SORCS1: variants seen among roughly 807,000 people sequenced by gnomAD.
SORCS1 encodes sortilin related VPS10 domain containing receptor 1, also known as VPS10 domain-containing receptor SorCS1.
In SORCS1, 60 loss-of-function variants were observed where a neutral mutation model predicts 146.1. That is an observed-to-expected ratio of 0.41 (90% CI 0.33 to 0.51). The LOEUF is 0.51. SORCS1 is among the 20% of genes least tolerant of loss of function. The pLI is 0.21. For synonymous variants in SORCS1, 637 were observed against 584.0 expected (o/e 1.09, Z -1.31); for missense variants, 1,352 against 1,487.6 (o/e 0.91, Z 1.50).
In SORCS1 at chr10:106,780,977, CT is replaced by C. The variant is rs3045084; in HGVS notation, c.727-4286del. On this transcript the variant is annotated intron_variant, in intron 3 of 25. Coordinates refer to ENST00000263054, the MANE Select transcript of SORCS1 (RefSeq NM_052918.5). Reference sequence around the variant, plus strand: ...ATAGATTTCAAATACGTCACTTCTCCTTTTTTTTTTTTTTGGTATTAGTCCT... The same window carrying C: ...ATAGATTTCAAATACGTCACTTCTCCTTTTTTTTTTTTTGGTATTAGTCCT... Among the ~76,000 whole-genome samples the C allele has an allele frequency of 4.7e-3, 688 of 145,960 alleles. 9 individuals carry two copies. In the East Asian group the frequency reaches 0.064, roughly 14 times the overall value.
At chr10:107,118,527 C>T (rs1212581378) in intron 1 of SORCS1, among the ~76,000 whole-genome samples, 1 of 152,142 alleles carries the variant, frequency 6.6e-6, no homozygotes, top group African/African-American at 2.4e-5. Flanking sequence ...ATCTAACATC[C>T]AATGTCCTTT....
chr10:107,074,615 C>T (rs531274659), intron 1 of SORCS1, among the ~76,000 whole-genome samples: 52 of 152,232 alleles, frequency 3.4e-4, no homozygotes, highest in African/African-American at 1.1e-3. Flanking sequence ...TGTGAGAAAC[C>T]ACCAAACTGT....
the SORCS1 span, among the ~76,000 whole-genome samples, chr10:107,178,823 A>G: frequency 2.0e-5 from 3 of 150,646 alleles, no homozygotes; most frequent in South Asian, 2.1e-4. Flanking sequence ...GCAGTATTTC[A>G]TTGTATATAT....
At chr10:106,944,936 C>CATG (rs1954253533) in intron 2 of SORCS1, among the ~76,000 whole-genome samples, 1 of 117,948 alleles carries the variant, frequency 8.5e-6, no homozygotes, top group African/African-American at 3.2e-5. Context: ...CTCAGGCTGA[C>CATG]ATGCAGTGAT....
chr10:107,001,331 G>A (rs549436897), intron 1 of SORCS1, among the ~76,000 whole-genome samples: 1 of 152,224 alleles, frequency 6.6e-6, no homozygotes, highest in East Asian at 1.9e-4. Context: ...AGGACTCTTG[G>A]CCAGGGAAAT....
intron 1 of SORCS1, among the ~76,000 whole-genome samples, chr10:107,019,441 C>T (rs936776523): frequency 6.6e-6 from 1 of 152,016 alleles, no homozygotes; most frequent in African/African-American, 2.4e-5. Context: ...AGTTGGGAAT[C>T]CACAGAAAAT....
chr10:106,669,042 C>T (rs948938009), intron 16 of SORCS1, among the ~76,000 whole-genome samples: 2 of 152,224 alleles, frequency 1.3e-5, no homozygotes, highest in African/African-American at 4.8e-5. Context: ...GAAAACCTTA[C>T]AATGAACTCC....
chr10:106,707,854 G>A (rs1854643982), intron 7 of SORCS1, among the ~76,000 whole-genome samples: 3 of 152,126 alleles, frequency 2.0e-5, no homozygotes, highest in African/African-American at 7.2e-5. Context: ...TAAATGCCTG[G>A]AGTTTCAATG....
At chr10:106,752,990 T>A (rs2136197577) in intron 5 of SORCS1, among the ~76,000 whole-genome samples, 1 of 152,166 alleles carries the variant, frequency 6.6e-6, no homozygotes, top group Non-Finnish European at 1.5e-5. Context: ...AAATTGAAAG[T>A]GAGTGATGGT....
At chr10:107,081,014 C>T (rs1019252942) in intron 1 of SORCS1, among the ~76,000 whole-genome samples, 2 of 152,166 alleles carry the variant, frequency 1.3e-5, no homozygotes, top group Non-Finnish European at 2.9e-5. Flanking sequence ...GATATCATTG[C>T]TATTCCCATT....
chr10:106,795,276 T>A (rs893268722), intron 3 of SORCS1, among the ~76,000 whole-genome samples: 1 of 152,142 alleles, frequency 6.6e-6, no homozygotes, highest in Admixed American at 6.5e-5. Context: ...AGATATAATC[T>A]AGTTGTTTTT....
At chr10:106,914,361 CG>C (rs775576933) in intron 2 of SORCS1, among the ~76,000 whole-genome samples, 3 of 151,950 alleles carry the variant, frequency 2.0e-5, no homozygotes, top group Non-Finnish European at 4.4e-5. Context: ...TCTGGATTTC[CG>C]GGGGGTGATT....
rs978473578 is a variant in SORCS1, at chr10:106,804,333, G to A, written c.726+25241C>T. On this transcript the variant is annotated intron_variant, in intron 3 of 25. Coordinates refer to ENST00000263054, the MANE Select transcript of SORCS1 (RefSeq NM_052918.5). Reference sequence around the variant, plus strand: ...GGTTACAGAGTGAAACTCTGTTTCCGAAGAGAAAATAAAATAAAATAAAAT... The same window carrying A: ...GGTTACAGAGTGAAACTCTGTTTCCAAAGAGAAAATAAAATAAAATAAAAT... Among the ~76,000 whole-genome samples, 16 of 126,828 alleles carry A rather than the reference G, an allele frequency of 1.3e-4. No homozygotes were observed. In the East Asian group the frequency reaches 1.3e-3, roughly 11 times the overall value. The allele number at this position is 126,828 out of a possible 152,430, so 83.2% of individuals were successfully genotyped here. A position where few individuals can be genotyped will look rare whatever the true frequency, so the allele number is the denominator to read the frequency against.
At chr10:106,974,195 T>C (rs897993105) in intron 1 of SORCS1, among the ~76,000 whole-genome samples, 5 of 152,192 alleles carry the variant, frequency 3.3e-5, no homozygotes, top group African/African-American at 7.2e-5. Flanking sequence ...GGATATTCCA[T>C]TGCAACAAAA....
chr10:106,907,136 G>GT (rs1446634623), intron 2 of SORCS1, among the ~76,000 whole-genome samples: 1 of 152,116 alleles, frequency 6.6e-6, no homozygotes, highest in Non-Finnish European at 1.5e-5. Context: ...TGTGTACATG[G>GT]TTTTGCAGAA....
chr10:106,799,833 A>G (rs1368172950), intron 3 of SORCS1, among the ~76,000 whole-genome samples: 1 of 152,234 alleles, frequency 6.6e-6, no homozygotes, highest in African/African-American at 2.4e-5. Context: ...CGATTCCTCA[A>G]GGATCTAGAA....
chr10:106,577,097 T>A lies in SORCS1; in HGVS notation c.*323A>T. The A allele has an allele frequency of 1.3e-6, 1 of 790,204 alleles. No homozygotes were observed. The highest frequency in any genetic ancestry group is 1.7e-5 in the South Asian group (1 of 57,860). The allele number at this position is 790,204 out of a possible 1,614,324, so 48.9% of individuals were successfully genotyped here. Reference sequence around the variant, plus strand: ...GGCTTAAAGCTAAAAACCCTTGTTGTCTGTGTCTGAAGAATTAAAAAGTCC... The same window carrying A: ...GGCTTAAAGCTAAAAACCCTTGTTGACTGTGTCTGAAGAATTAAAAAGTCC... On this transcript the variant is annotated 3_prime_UTR_variant, in exon 26 of 26. Coordinates refer to ENST00000263054, the MANE Select transcript of SORCS1 (RefSeq NM_052918.5).
intron 2 of SORCS1, among the ~76,000 whole-genome samples, chr10:106,944,894 T>TTTTTTTTTTTTTTTTTTTTTTTTG (rs1954247673): frequency 9.1e-6 from 1 of 109,934 alleles, no homozygotes; most frequent in Non-Finnish European, 1.8e-5. Context: ...TTTTTTTTTT[T>TTTTTTTTTTTTTTTTTTTTTTTTG]TTTTTTTTGG....
intron 4 of SORCS1, among the ~76,000 whole-genome samples, chr10:106,772,995 G>A (rs1268290366): frequency 2.0e-5 from 3 of 152,040 alleles, no homozygotes; most frequent in Admixed American, 1.3e-4. Flanking sequence ...TTCAAAAGAC[G>A]GAGAGTATGC....
Sources: allele counts gnomAD v4.1 joint callset (sites outside exome capture counted in the v4.1 genomes callset), GRCh38; gene constraint gnomAD v4.1.1; transcripts MANE v1.5; gene names NCBI Gene and HGNC (gene_info 2026-07-23, HGNC 2026-07-21).